MAST2: variants seen among roughly 807,000 people sequenced by gnomAD.
The protein encoded by MAST2 is microtubule-associated serine/threonine-protein kinase 2.
In MAST2, 70 loss-of-function variants were observed where a neutral mutation model predicts 147.4. The ratio of observed to expected loss-of-function variants is 0.47; its 90% CI spans 0.39 to 0.58. The LOEUF (loss-of-function observed/expected upper bound fraction) is 0.58, where lower values mean the gene tolerates loss of function less well. Ranked by LOEUF, MAST2 falls within the 20% of genes least tolerant of loss-of-function variation. The pLI, the probability that MAST2 is intolerant of heterozygous loss-of-function variation, is 0.00. For missense variants in MAST2, 2,080 were observed against 2,302.3 expected (o/e 0.90, Z 1.98); for synonymous variants, 869 against 896.8 (o/e 0.97, Z 0.55).
chr1:45,838,412 G>A (rs1310575078), intron 3 of MAST2, among the ~76,000 whole-genome samples: 7 of 151,080 alleles, frequency 4.6e-5, no homozygotes, highest in African/African-American at 1.5e-4. Flanking sequence ...TAATAGAGAC[G>A]GGGTTTTGCC....
At chr1:45,976,458 A>G (rs1420692266) in intron 5 of MAST2, among the ~76,000 whole-genome samples, 1 of 152,176 alleles carries the variant, frequency 6.6e-6, no homozygotes, top group East Asian at 1.9e-4. Context: ...TTATCCAGGC[A>G]TAGTGGCACA....
At chr1:45,938,239 A>G (rs905361493) in intron 4 of MAST2, among the ~76,000 whole-genome samples, 1 of 152,212 alleles carries the variant, frequency 6.6e-6, no homozygotes, top group Non-Finnish European at 1.5e-5. Flanking sequence ...GGTGCTGTGT[A>G]CATTTCCATG....
intron 5 of MAST2, among the ~76,000 whole-genome samples, chr1:45,979,834 AC>A (rs1237353876): frequency 1.3e-5 from 2 of 152,090 alleles, no homozygotes; most frequent in Non-Finnish European, 1.5e-5. Context: ...CCTACCTGAA[AC>A]CAAAACAAAC....
intron 1 of MAST2, among the ~76,000 whole-genome samples, chr1:45,813,603 ATTC>A (rs950744183): frequency 6.6e-5 from 10 of 151,804 alleles, no homozygotes; most frequent in African/African-American, 1.2e-4. Flanking sequence ...GATTCAAACA[ATTC>A]TTCTGCCTCA....
intron 15 of MAST2, 88 bp from the exon 16 acceptor site, chr1:46,025,589 C>T: frequency 6.6e-7 from 1 of 1,522,144 alleles, no homozygotes. Context: ...GCTGTCTCCT[C>T]TGGGACCTCA....
At chr1:46,010,081 A>G (rs1415029179) in intron 9 of MAST2, among the ~76,000 whole-genome samples, 1 of 152,130 alleles carries the variant, frequency 6.6e-6, no homozygotes, top group African/African-American at 2.4e-5. Context: ...ACCATCTGTG[A>G]CCAGACAGGT....
At chr1:45,916,880 A>G (rs1382107160) in intron 4 of MAST2, among the ~76,000 whole-genome samples, 1 of 152,160 alleles carries the variant, frequency 6.6e-6, no homozygotes, top group Non-Finnish European at 1.5e-5. Context: ...GGAGTTCGAG[A>G]CCAGACTGAC....
Position 45,959,433 on chromosome 1 carries a change from C to T in MAST2, c.548C>T (p.Ser183Leu), listed in dbSNP as rs748930586. The change falls in exon 5 of 29, where the codon TCA becomes TTA. Residue 183 changes from serine (S) to leucine (L), a missense_variant. Physicochemically the swap from Ser to Leu is moderately radical, Grantham distance 145. Around this residue, in one of 4 missense-constraint regions of MAST2, gnomAD observed 569 missense variants for 642.5 expected, o/e 0.89. Coordinates refer to ENST00000361297, the MANE Select transcript of MAST2 (RefSeq NM_015112.3). ...AGCTTGATTGTGACCTCTAGCACAT[C>T]ACCTACACTACCACGGCCACACTCA... Reference protein sequence around the residue: ...RKSLIVTSSTSPTLPRPHSPL... With the variant: ...RKSLIVTSSTLPTLPRPHSPL... 2 of 1,613,730 alleles carry T rather than the reference C, an allele frequency of 1.2e-6. No homozygotes were observed. The highest frequency in any genetic ancestry group is 1.7e-5 in the Admixed American group (1 of 59,960).
intron 4 of MAST2, among the ~76,000 whole-genome samples, chr1:45,932,052 T>C (rs1165162897): frequency 6.6e-6 from 1 of 152,234 alleles, no homozygotes; most frequent in East Asian, 1.9e-4. Flanking sequence ...GTCCCATTAC[T>C]ATGAAGTTAA....
intron 3 of MAST2, among the ~76,000 whole-genome samples, chr1:45,866,838 G>A (rs1352207222): frequency 1.3e-5 from 2 of 151,882 alleles, no homozygotes; most frequent in Non-Finnish European, 2.9e-5. Flanking sequence ...TGCCTCCCAG[G>A]TTCAAGTGAT....
At chr1:45,955,322 A>C (rs995762127) in intron 4 of MAST2, among the ~76,000 whole-genome samples, 2 of 152,184 alleles carry the variant, frequency 1.3e-5, no homozygotes, top group African/African-American at 4.8e-5. Flanking sequence ...TGTATACTTT[A>C]AATCATCTCT....
At chr1:45,897,863 G>A (rs1649013058) in intron 4 of MAST2, among the ~76,000 whole-genome samples, 1 of 151,870 alleles carries the variant, frequency 6.6e-6, no homozygotes, top group South Asian at 2.1e-4. Flanking sequence ...CCAGCACTTT[G>A]GGAGGCCAAG....
intron 4 of MAST2, among the ~76,000 whole-genome samples, chr1:45,922,078 T>C (rs1234402265): frequency 6.6e-6 from 1 of 152,172 alleles, no homozygotes; most frequent in Non-Finnish European, 1.5e-5. Context: ...CTGGAGTGGG[T>C]GGCTCCTTTC....
At chr1:45,933,701 C>G (rs1367897485) in intron 4 of MAST2, among the ~76,000 whole-genome samples, 2 of 151,766 alleles carry the variant, frequency 1.3e-5, no homozygotes, top group Non-Finnish European at 2.9e-5. Flanking sequence ...TTGCAGTGAG[C>G]CAAGATCGTG....
intron 5 of MAST2, among the ~76,000 whole-genome samples, chr1:45,964,340 TG>T: frequency 6.6e-6 from 1 of 152,374 alleles, no homozygotes; most frequent in South Asian, 2.1e-4. Context: ...TGGATCCATC[TG>T]GTCCTGGACT....
At chr1:45,826,965 A>G (rs756531074) in intron 2 of MAST2, among the ~76,000 whole-genome samples, 15 of 151,832 alleles carry the variant, frequency 9.9e-5, no homozygotes, top group Admixed American at 6.6e-5. Context: ...AGTAGCTGGG[A>G]CTACAGGTGC....
intron 4 of MAST2, 78 bp from the exon 5 acceptor site, chr1:45,959,308 T>C: frequency 3.7e-6 from 4 of 1,092,520 alleles, no homozygotes; most frequent in Non-Finnish European, 5.6e-6. Flanking sequence ...TGTCCCTCTT[T>C]AGTTCCTTAA....
At chr1:45,981,278 G>C (rs936113117) in intron 5 of MAST2, among the ~76,000 whole-genome samples, 1 of 151,832 alleles carries the variant, frequency 6.6e-6, no homozygotes, top group Admixed American at 6.6e-5. Context: ...CACCATGTTG[G>C]CCCGTCTGGT....
At chr1:45,928,221 A>G (rs567025120) in intron 4 of MAST2, among the ~76,000 whole-genome samples, 1 of 152,346 alleles carries the variant, frequency 6.6e-6, no homozygotes, top group East Asian at 1.9e-4. Context: ...TTTTGAAGCA[A>G]ATCTCAAATT....
Sources: allele counts gnomAD v4.1 joint callset (sites outside exome capture counted in the v4.1 genomes callset), GRCh38; gene constraint gnomAD v4.1.1; regional missense constraint gnomAD v4.1.1; transcripts MANE v1.5; gene names NCBI Gene and HGNC (gene_info 2026-07-23, HGNC 2026-07-21).